The following COMMD10 variants were observed in gnomAD, a reference collection of about 807,000 sequenced individuals.
The protein encoded by COMMD10 is COMM domain containing 10.
In COMMD10, 33 loss-of-function variants were observed where a neutral mutation model predicts 28.9. That is an observed-to-expected ratio of 1.14 (90% CI 0.87 to 1.53). The LOEUF (loss-of-function observed/expected upper bound fraction) is 1.53, where lower values mean the gene tolerates loss of function less well. Among genes scored for constraint, COMMD10 ranks in the 40% most tolerant of loss-of-function variants. The pLI is 0.00. For missense variants in COMMD10, 310 were observed against 233.4 expected, an observed-to-expected ratio of 1.33 and a Z score of -2.14; for synonymous variants, 110 against 81.7, an observed-to-expected ratio of 1.35 and a Z score of -1.87.
At chr5:116,097,757 G>C (rs180689102) in intron 4 of COMMD10, among the ~76,000 whole-genome samples, 1 of 152,032 alleles carries the variant, frequency 6.6e-6, no homozygotes, top group Non-Finnish European at 1.5e-5. Context: ...TTACAGTCAT[G>C]GTGGAAGGTG....
chr5:116,141,306 C>G (rs1752188728), intron 5 of COMMD10, among the ~76,000 whole-genome samples: 1 of 151,430 alleles, frequency 6.6e-6, no homozygotes. Flanking sequence ...ATGCCAGTAC[C>G]ATACTATTTT....
At chr5:116,170,579 A>C (rs6885780) in intron 5 of COMMD10, among the ~76,000 whole-genome samples, 136,502 of 152,120 alleles carry the variant, frequency 0.9, 61,379 homozygotes, top group African/African-American at 0.94. Context: ...TACCTAACTT[A>C]AAACTATACT....
At chr5:116,190,603 C>G (rs561766479) in intron 5 of COMMD10, among the ~76,000 whole-genome samples, 24 of 152,282 alleles carry the variant, frequency 1.6e-4, no homozygotes, top group Admixed American at 1.6e-3. Context: ...TTCTCTGTTT[C>G]TTTGGAATAT....
intron 5 of COMMD10, among the ~76,000 whole-genome samples, chr5:116,149,629 T>C (rs1752451990): frequency 1.3e-5 from 2 of 151,618 alleles, no homozygotes; most frequent in African/African-American, 4.9e-5. Context: ...TTTTTTCATG[T>C]GTGTTTTGGC....
At chr5:116,111,220 C>G (rs982741122) in intron 4 of COMMD10, among the ~76,000 whole-genome samples, 2 of 151,858 alleles carry the variant, frequency 1.3e-5, no homozygotes, top group Non-Finnish European at 2.9e-5. Context: ...AAAGAACGAG[C>G]TTTTTGTTTC....
intron 5 of COMMD10, among the ~76,000 whole-genome samples, chr5:116,164,651 T>C (rs934181904): frequency 6.6e-6 from 1 of 152,240 alleles, no homozygotes; most frequent in Non-Finnish European, 1.5e-5. Flanking sequence ...ACCACATGTA[T>C]CTTTATTTCA....
chr5:116,262,109 A>G (rs1286373360), intron 5 of COMMD10, among the ~76,000 whole-genome samples: 1 of 151,700 alleles, frequency 6.6e-6, no homozygotes, highest in Non-Finnish European at 1.5e-5. Flanking sequence ...GGATTCAGAC[A>G]CAGGCAGTCT....
At chr5:116,205,016 T>C (rs1748775187) in intron 5 of COMMD10, among the ~76,000 whole-genome samples, 1 of 152,140 alleles carries the variant, frequency 6.6e-6, no homozygotes, top group Admixed American at 6.6e-5. Context: ...CCATCTCTGT[T>C]AGATGCTGCT....
chr5:116,224,555 A>G (rs1013855381), intron 5 of COMMD10, among the ~76,000 whole-genome samples: 1 of 152,148 alleles, frequency 6.6e-6, no homozygotes, highest in African/African-American at 2.4e-5. Flanking sequence ...GGAGGGAACA[A>G]GGGTCCGGGG....
intron 4 of COMMD10, among the ~76,000 whole-genome samples, chr5:116,118,115 C>T (rs551529255): frequency 6.6e-6 from 1 of 152,288 alleles, no homozygotes; most frequent in South Asian, 2.1e-4. Context: ...CTCTTTACTT[C>T]AAAAGTTCTG....
intron 5 of COMMD10, among the ~76,000 whole-genome samples, chr5:116,143,760 A>C (rs1752262152): frequency 6.6e-6 from 1 of 151,914 alleles, no homozygotes; most frequent in Admixed American, 6.6e-5. Context: ...ATATGCACTA[A>C]CTTTTTAAAC....
At chr5:116,207,184 C>A (rs766149610) in intron 5 of COMMD10, among the ~76,000 whole-genome samples, 1 of 152,072 alleles carries the variant, frequency 6.6e-6, no homozygotes, top group African/African-American at 2.4e-5. Context: ...AGAATATTTG[C>A]TCTTTTTACT....
chr5:116,153,908 G>C (rs767956164), intron 5 of COMMD10, among the ~76,000 whole-genome samples: 20 of 151,980 alleles, frequency 1.3e-4, no homozygotes, highest in Admixed American at 4.6e-4. Flanking sequence ...TTTTTTCCTG[G>C]TGGGGCTTTA....
At chr5:116,210,941 G>A (rs1050996421) in intron 5 of COMMD10, among the ~76,000 whole-genome samples, 6 of 151,904 alleles carry the variant, frequency 3.9e-5, no homozygotes, top group East Asian at 1.9e-4. Context: ...ATAATACATA[G>A]TTACAAGAAC....
intron 5 of COMMD10, among the ~76,000 whole-genome samples, chr5:116,171,814 A>G (rs1753344968): frequency 7.4e-6 from 1 of 134,434 alleles, no homozygotes; most frequent in East Asian, 2.0e-4. Flanking sequence ...AACATCACAC[A>G]CTGGGGCCTG....
chr5:116,097,891 A>G (rs1263512076), intron 4 of COMMD10, among the ~76,000 whole-genome samples: 2 of 152,108 alleles, frequency 1.3e-5, no homozygotes, highest in African/African-American at 2.4e-5. Context: ...ATAGCACTGA[A>G]GGGATGGTGC....
intron 5 of COMMD10, among the ~76,000 whole-genome samples, chr5:116,169,957 CT>C (rs1363720652): frequency 1.3e-5 from 2 of 152,088 alleles, no homozygotes; most frequent in Non-Finnish European, 2.9e-5. Context: ...CTCACCACCC[CT>C]ATTCATCATA....
At chr5:116,197,847 A>T (rs1379497661) in intron 5 of COMMD10, among the ~76,000 whole-genome samples, 1 of 152,220 alleles carries the variant, frequency 6.6e-6, no homozygotes, top group Non-Finnish European at 1.5e-5. Flanking sequence ...CAGGGAGATT[A>T]CATGACTTGC....
intron 5 of COMMD10, among the ~76,000 whole-genome samples, chr5:116,178,495 A>C (rs1747828043): frequency 6.6e-6 from 1 of 152,162 alleles, no homozygotes; most frequent in African/African-American, 2.4e-5. Flanking sequence ...TGAAGGCACC[A>C]AAAATGTATC....
Sources: allele counts gnomAD v4.1 joint callset (sites outside exome capture counted in the v4.1 genomes callset), GRCh38; gene constraint gnomAD v4.1.1; transcripts MANE v1.5; gene names NCBI Gene and HGNC (gene_info 2026-07-23, HGNC 2026-07-21).